Variants in ZNF556 observed in about 807,000 individuals in gnomAD.
ZNF556 encodes the protein zinc finger protein 556.
ZNF556 carries 11 observed loss-of-function variants against 13.6 expected under a neutral mutation model. The ratio of observed to expected loss-of-function variants is 0.81; its 90% CI spans 0.51 to 1.33. ZNF556 has a LOEUF of 1.33. ZNF556 is among the 40% of genes most tolerant of loss of function. The pLI is 0.00. For missense variants in ZNF556, 633 were observed against 566.2 expected, an observed-to-expected ratio of 1.12 and a Z score of -1.20; for synonymous variants, 229 against 207.8, an observed-to-expected ratio of 1.10 and a Z score of -0.88.
At position 2,877,983 on chromosome 19, in the gene ZNF556, C is replaced by T. The variant is rs749669398; in HGVS notation, c.1025C>T (p.Pro342Leu). ...GCGAGAACGCATGCTAAAAAGAAAC[C>T]TGTGAGTGGGGGCAGCGTGGGAAAG... The part of the protein sequence containing the change: ...KHARTHAKKK[P>L]VSGGSVGKSS... The change falls in exon 4 of 4, where the codon CCT (proline) becomes CTT (leucine). Residue 342 changes from proline (P) to leucine (L), a missense_variant. Pro to Leu is a moderately conservative substitution (Grantham distance 98). Coordinates refer to ENST00000307635, the MANE Select transcript of ZNF556 (RefSeq NM_024967.3). 1 of 1,614,158 alleles carries T rather than the reference C, an allele frequency of 6.2e-7. No individual in the cohort carries two copies. The highest frequency in any genetic ancestry group is 1.3e-5 in the African/African-American group (1 of 75,066).
At chr19:2,874,259 AAAATAAAT>A (rs1179360850) in intron 2 of ZNF556, among the ~76,000 whole-genome samples, 3 of 151,674 alleles carry the variant, frequency 2.0e-5, no homozygotes, top group East Asian at 1.9e-4. Context: ...TCCGTCTCAA[AAAATAAAT>A]AAATAAATAA....
rs145010071 is a variant in ZNF556, at chr19:2,873,087, C to T, written c.4-409C>T. Among the ~76,000 whole-genome samples the T allele has an allele frequency of 1.1e-3, 168 of 151,300 alleles. No homozygotes were observed. The East Asian group carries it at 0.021, about 19-fold the overall frequency. On this transcript the variant is annotated intron_variant, in intron 1 of 3. Coordinates refer to ENST00000307635, the MANE Select transcript of ZNF556 (RefSeq NM_024967.3). The stretch of plus-strand genomic sequence containing the variant: ...GGCGCAGCTTGCAGTGAGCCGAGAT[C>T]GCCCTACTGCACTCCAGCCTGGGGC...
Position 2,867,440 on chromosome 19 carries a change from G to A in ZNF556, c.3+16G>A, listed in dbSNP as rs763969448. 1 of 1,583,468 alleles carries A rather than the reference G, an allele frequency of 6.3e-7. No individual in the cohort carries two copies. Among genetic ancestry groups the A allele is most frequent in the East Asian group, 2.3e-5 (1 of 43,936 alleles). On this transcript the variant is annotated intron_variant, in intron 1 of 3. Coordinates refer to ENST00000307635, the MANE Select transcript of ZNF556 (RefSeq NM_024967.3). ...ACAGGACATGGTGAGTGCAGGGCAG[G>A]AGCCGAGCCGGAGCCGGAGCCCTGG...
At chr19:2,870,000 G>T (rs572671236) in intron 1 of ZNF556, among the ~76,000 whole-genome samples, 1 of 152,008 alleles carries the variant, frequency 6.6e-6, no homozygotes, top group South Asian at 2.1e-4. Flanking sequence ...GCCAAGACCC[G>T]CTCCTTCCAT....
chr19:2,873,551 T>C lies in ZNF556; in HGVS notation c.59T>C (p.Leu20Ser), dbSNP rs2087823267. 6.2e-7 allele frequency: 1 copy of C among 1,614,064 alleles called. No homozygotes were observed. The highest frequency in any genetic ancestry group is 1.7e-5 in the Admixed American group (1 of 59,998). ...VVDFTLEEWA[L>S]LNPAQRKLYR... Reference sequence around the variant, plus strand: ...GATTTCACGCTGGAGGAGTGGGCCTTGCTGAATCCTGCTCAGAGAAAACTC... The same window carrying C: ...GATTTCACGCTGGAGGAGTGGGCCTCGCTGAATCCTGCTCAGAGAAAACTC... The change falls in exon 2 of 4, where the codon TTG (leucine) becomes TCG (serine). Residue 20 changes from leucine (L) to serine (S), a missense_variant. Physicochemically the swap from Leu to Ser is moderately radical, Grantham distance 145. Coordinates refer to ENST00000307635, the MANE Select transcript of ZNF556 (RefSeq NM_024967.3).
At position 2,878,183 on chromosome 19, in the gene ZNF556, G is replaced by A. The variant is rs770621895; in HGVS notation, c.1225G>A (p.Gly409Arg). 52 of 1,613,992 alleles carry A rather than the reference G, an allele frequency of 3.2e-5. No homozygotes were observed. Among genetic ancestry groups the A allele is most frequent in the African/African-American group, 5.3e-5 (4 of 74,908 alleles). Residue 409 changes from glycine (G) to arginine (R), a missense_variant, in exon 4 of 4, where the codon GGG (glycine) becomes AGG (arginine). Physicochemically the swap from Gly to Arg is moderately radical, Grantham distance 125. Coordinates refer to ENST00000307635, the MANE Select transcript of ZNF556 (RefSeq NM_024967.3). ...AGCCAGTGTGGGAAAACCTTCAGGC[G>A]GGCTTTGCTCTTCCAAAAATGTAAG... ...NAASVGKPSG[G>R]LCSSKNVRTQ...
rs747877145 is a variant in ZNF556, at chr19:2,877,505, G to A, written c.547G>A (p.Ala183Thr). The A allele has an allele frequency of 6.2e-7, 1 of 1,614,214 alleles. No individual in the cohort carries two copies. Among genetic ancestry groups the A allele is most frequent in the East Asian group, 2.2e-5 (1 of 44,882 alleles). ...ATATAAATGTAAGGAATGTGGGAAA[G>A]CCTTCAGTCGCCCTTCCTACCTACA... is the stretch of plus-strand genomic sequence containing the variant. Reference protein sequence around the residue: ...KLYKCKECGKAFSRPSYLQTH... With the variant: ...KLYKCKECGKTFSRPSYLQTH... Residue 183 changes from alanine (A) to threonine (T), a missense_variant, in exon 4 of 4, where the codon GCC becomes ACC. Physicochemically the swap from Ala to Thr is moderately conservative, Grantham distance 58. Transcript: ENST00000307635.
chr19:2,874,618 C>T (rs1303481393), intron 2 of ZNF556, among the ~76,000 whole-genome samples: 3 of 151,536 alleles, frequency 2.0e-5, no homozygotes, highest in Non-Finnish European at 4.4e-5. Context: ...GCGGAGGGCA[C>T]CTTTAGTCCC....
rs757241752 is a variant in ZNF556, at chr19:2,881,731, A to C, written c.*3402A>C. 4.6e-5 allele frequency: 7 copies of C among 152,062 alleles called. No homozygotes were observed. The highest frequency in any genetic ancestry group is 1.0e-4 in the Non-Finnish European group (7 of 68,024). The allele number at this position is 152,062 out of a possible 1,614,324, so 9.4% of individuals were successfully genotyped here. A position where few individuals can be genotyped will look rare whatever the true frequency, so the allele number is the denominator to read the frequency against. ...AATTCATTTATAGTTCCACCATGTA[A>C]TATGTCTTAAATACTATTTCTTTTT... On this transcript the variant is annotated 3_prime_UTR_variant, in exon 4 of 4. Coordinates refer to ENST00000307635, the MANE Select transcript of ZNF556 (RefSeq NM_024967.3).
chr19:2,867,964 A>G (rs1181794205), intron 1 of ZNF556, among the ~76,000 whole-genome samples: 4 of 152,206 alleles, frequency 2.6e-5, no homozygotes, highest in Non-Finnish European at 5.9e-5. Flanking sequence ...TGGTTACTTG[A>G]GCCTCAGATT....
In ZNF556 at chr19:2,877,793, A is replaced by G; in HGVS notation, c.835A>G (p.Ile279Val). 6.2e-7 allele frequency: 1 copy of G among 1,613,646 alleles called. No individual in the cohort carries two copies. Among genetic ancestry groups the G allele is most frequent in the Non-Finnish European group, 8.5e-7 (1 of 1,179,836 alleles). ...TCAGAAATCCTTTCGAGTCCATATG[A>G]TCATGCACGCCGGAGGGAGACCGTA... ...RCQKSFRVHM[I>V]MHAGGRPYEC... Residue 279 changes from isoleucine to valine, a missense_variant, in exon 4 of 4, where the codon ATC becomes GTC. Physicochemically the swap from Ile to Val is conservative, Grantham distance 29 (BLOSUM62 3). Transcript: ENST00000307635.
At chr19:2,869,855 G>C (rs1039658369) in intron 1 of ZNF556, among the ~76,000 whole-genome samples, 2 of 152,114 alleles carry the variant, frequency 1.3e-5, no homozygotes, top group Non-Finnish European at 2.9e-5. Flanking sequence ...GAGTCACTCA[G>C]AGCCAAAGTC....
In ZNF556 at chr19:2,881,747, AT is replaced by A. The variant is rs1350253609; in HGVS notation, c.*3421del. On this transcript the variant is annotated 3_prime_UTR_variant, in exon 4 of 4. Coordinates refer to ENST00000307635, the MANE Select transcript of ZNF556 (RefSeq NM_024967.3). ...CACCATGTAATATGTCTTAAATACT[AT>A]TTCTTTTTTTTTAATACTATTTCAA... 6.6e-6 allele frequency: 1 copy of A among 151,842 alleles called. No homozygotes were observed. Among genetic ancestry groups the A allele is most frequent in the African/African-American group, 2.4e-5 (1 of 41,298 alleles). 9.4% of individuals were successfully genotyped at this position (151,842 alleles called of 1,614,324 possible).
In ZNF556 at chr19:2,882,531, A is replaced by ATATAGTGTGTGTGT. The variant is rs57053138; in HGVS notation, c.*4202_*4203insTATAGTGTGTGTGT. 116 of 127,718 alleles carry ATATAGTGTGTGTGT rather than the reference A, an allele frequency of 9.1e-4. 3 individuals carry two copies. Among genetic ancestry groups the ATATAGTGTGTGTGT allele is most frequent in the East Asian group, 5.4e-3 (21 of 3,876 alleles). The allele number at this position is 127,718 out of a possible 1,614,324, so 7.9% of individuals were successfully genotyped here. ...ATACATTTTATATATATATATATAT[A>ATATAGTGTGTGTGT]GTGTGTGTGTGTGTGTGTGTGTGTG... On this transcript the variant is annotated 3_prime_UTR_variant, in exon 4 of 4. Transcript: ENST00000307635.
At position 2,877,459 on chromosome 19, in the gene ZNF556, A is replaced by G. The variant is rs1273535925; in HGVS notation, c.501A>G (p.Arg167=). Residue 167 remains arginine (R), a synonymous_variant, in exon 4 of 4, where the codon AGA becomes AGG. Transcript: ENST00000307635. ...CCTCATCCCTGATAAGGCACAAAAGAGCTCACTCTGGACAAAAATTATATA... is the reference window on the plus strand; with the variant it reads ...CCTCATCCCTGATAAGGCACAAAAGGGCTCACTCTGGACAAAAATTATATA... ...THSSSLIRHK[R]AHSGQKLYKC... is the part of the protein sequence containing the mutation. 1 of 1,614,064 alleles carries G rather than the reference A, an allele frequency of 6.2e-7. No individual in the cohort carries two copies. The highest frequency in any genetic ancestry group is 8.5e-7 in the Non-Finnish European group (1 of 1,180,042).
At chr19:2,873,652 T>G in intron 2 of ZNF556, 30 bp downstream of exon 2, 12 of 1,601,160 alleles carry the variant, frequency 7.5e-6, no homozygotes, top group Non-Finnish European at 1.0e-5. Flanking sequence ...TGCACTTAGT[T>G]ATTAGATAAT....
At chr19:2,873,742 C>A in intron 2 of ZNF556, 120 bp downstream of exon 2, 2 of 1,258,096 alleles carry the variant, frequency 1.6e-6, no homozygotes, top group Non-Finnish European at 2.2e-6. Flanking sequence ...TCACTTGAGG[C>A]TAGGAGTTGA....
intron 3 of ZNF556, among the ~76,000 whole-genome samples, chr19:2,876,858 A>C (rs1391565500): frequency 6.6e-6 from 1 of 152,218 alleles, no homozygotes; most frequent in Non-Finnish European, 1.5e-5. Context: ...TCAACAGTAC[A>C]GGAAACTTAC....
chr19:2,868,501 C>T (rs990095965), intron 1 of ZNF556, among the ~76,000 whole-genome samples: 3 of 151,912 alleles, frequency 2.0e-5, no homozygotes, highest in Non-Finnish European at 4.4e-5. Context: ...CAACCTCCGC[C>T]TCCTGAGTTC....
Sources: allele counts gnomAD v4.1 joint callset (sites outside exome capture counted in the v4.1 genomes callset), GRCh38; gene constraint gnomAD v4.1.1; transcripts MANE v1.5; gene names NCBI Gene and HGNC (gene_info 2026-07-23, HGNC 2026-07-21).